SRGAP2: variants seen among roughly 807,000 people sequenced by gnomAD.
SRGAP2 encodes SLIT-ROBO Rho GTPase activating protein 2, also known as SLIT-ROBO Rho GTPase-activating protein 2.
SRGAP2 carries 15 observed loss-of-function variants against 57.2 expected under a neutral mutation model. That is an observed-to-expected ratio of 0.26 (90% CI 0.18 to 0.40). SRGAP2 has a LOEUF of 0.40. Ranked by LOEUF, SRGAP2 falls within the 10% of genes least tolerant of loss-of-function variation. The pLI, the probability that SRGAP2 is intolerant of heterozygous loss-of-function variation, is 1.00. For synonymous variants in SRGAP2, 249 were observed against 248.0 expected, an observed-to-expected ratio of 1.00 and a Z score of -0.04; for missense variants, 520 against 669.6, an observed-to-expected ratio of 0.78 and a Z score of 2.47.
intron 3 of SRGAP2, among the ~76,000 whole-genome samples, chr1:206,336,053 A>G (rs1445638533): frequency 6.6e-6 from 1 of 150,742 alleles, no homozygotes; most frequent in African/African-American, 2.4e-5. Context: ...ACTTCAAAGC[A>G]GATTCCTAAG....
chr1:206,455,406 A>C, intron 21 of SRGAP2: 1 of 249,370 alleles, frequency 4.0e-6, no homozygotes, highest in African/African-American at 2.3e-5. Context: ...TCCATACTCA[A>C]ATAATAGTCT....
intron 3 of SRGAP2, among the ~76,000 whole-genome samples, chr1:206,314,656 G>A (rs1264935408): frequency 1.3e-5 from 2 of 152,058 alleles, no homozygotes; most frequent in Non-Finnish European, 2.9e-5. Flanking sequence ...TTGAAACTGT[G>A]GAAATATTTG....
At chr1:206,217,524 A>G (rs1403588457) in intron 2 of SRGAP2, among the ~76,000 whole-genome samples, 2 of 152,100 alleles carry the variant, frequency 1.3e-5, no homozygotes, top group Non-Finnish European at 2.9e-5. Context: ...GGGAACAACA[A>G]TTCTTGGCCC....
rs569871411 is a variant in SRGAP2 at position 206,427,636 on chromosome 1, CA to C, written c.1495-2525del. 1.5e-3 allele frequency among the ~76,000 whole-genome samples: 222 copies of C among 152,274 alleles called. 1 individual carries two copies. Among genetic ancestry groups the C allele is most frequent in the East Asian group, 4.1e-3 (21 of 5,178 alleles). On this transcript the variant is annotated intron_variant, in intron 13 of 22. Coordinates refer to ENST00000573034, the MANE Select transcript of SRGAP2 (RefSeq NM_015326.5). ...ATGGCTACAGTGGCAAATTCAGAGC[CA>C]GGGGGGGGATCCACGCAGACCTGTC...
intron 7 of SRGAP2, among the ~76,000 whole-genome samples, chr1:206,396,021 C>T (rs1328205517): frequency 4.9e-5 from 7 of 143,222 alleles, no homozygotes; most frequent in Non-Finnish European, 7.6e-5. Context: ...CTCTCTCTGT[C>T]GCCCAGGCTG....
chr1:206,286,953 A>G (rs1671062398), intron 2 of SRGAP2, among the ~76,000 whole-genome samples: 1 of 152,166 alleles, frequency 6.6e-6, no homozygotes, highest in African/African-American at 2.4e-5. Flanking sequence ...TGCAGTGTGG[A>G]GAGTAGACTA....
At chr1:206,383,205 A>G (rs1294070048) in intron 4 of SRGAP2, among the ~76,000 whole-genome samples, 1 of 148,146 alleles carries the variant, frequency 6.8e-6, no homozygotes, top group Non-Finnish European at 1.5e-5. Flanking sequence ...TTGTATTTTT[A>G]GTAGAGATGG....
intron 2 of SRGAP2, among the ~76,000 whole-genome samples, chr1:206,209,914 T>A (rs528506392): frequency 8.5e-6 from 1 of 117,580 alleles, no homozygotes. Context: ...TTTGTATTAT[T>A]TTAAATTGTT....
chr1:206,228,826 T>TAAAAA (rs199965145), intron 2 of SRGAP2, among the ~76,000 whole-genome samples: 1 of 131,218 alleles, frequency 7.6e-6, no homozygotes, highest in African/African-American at 2.9e-5. Context: ...ATCAGCGCTT[T>TAAAAA]AAAAAAAAAA....
At chr1:206,255,757 C>T (rs61815476) in intron 2 of SRGAP2, among the ~76,000 whole-genome samples, 86,278 of 147,660 alleles carry the variant, frequency 0.58, 27,397 homozygotes, top group African/African-American at 0.83. Context: ...TGAGCCTGTT[C>T]AACTTCTTCA....
intron 3 of SRGAP2, chr1:206,333,311 C>T (rs1392741516): frequency 9.4e-5 from 114 of 1,216,834 alleles, no homozygotes; most frequent in East Asian, 1.7e-4. Context: ...GCTCCTCCCC[C>T]CTACACTGAA....
At chr1:206,263,625 A>G (rs1299011675) in intron 2 of SRGAP2, among the ~76,000 whole-genome samples, 2 of 150,934 alleles carry the variant, frequency 1.3e-5, no homozygotes, top group African/African-American at 2.4e-5. Context: ...CATGCAGCAG[A>G]ACCCAGCCCA....
intron 4 of SRGAP2, among the ~76,000 whole-genome samples, chr1:206,360,005 A>C (rs1275590175): frequency 6.6e-6 from 1 of 150,586 alleles, no homozygotes; most frequent in Non-Finnish European, 1.5e-5. Flanking sequence ...ACGGGGTTTC[A>C]CCGTTTTAGC....
At chr1:206,272,410 A>C (rs1409589629) in intron 2 of SRGAP2, among the ~76,000 whole-genome samples, 3 of 150,926 alleles carry the variant, frequency 2.0e-5, no homozygotes, top group African/African-American at 7.3e-5. Context: ...TAATTTTTTT[A>C]TTTTTCATTT....
chr1:206,334,537 C>G (rs1356769982), intron 3 of SRGAP2, among the ~76,000 whole-genome samples: 2 of 152,036 alleles, frequency 1.3e-5, no homozygotes, highest in African/African-American at 4.8e-5. Flanking sequence ...AGGGGGAGAT[C>G]TTTATGGATA....
intron 4 of SRGAP2, among the ~76,000 whole-genome samples, chr1:206,355,849 C>T (rs570432845): frequency 4.6e-5 from 7 of 152,236 alleles, no homozygotes; most frequent in African/African-American, 1.7e-4. Context: ...TTCCTGTAAT[C>T]TCAGCTACTC....
chr1:206,274,634 A>AAAAC (rs1670310420), intron 2 of SRGAP2, among the ~76,000 whole-genome samples: 1 of 151,948 alleles, frequency 6.6e-6, no homozygotes, highest in Admixed American at 6.6e-5. Flanking sequence ...GACCCTGTCT[A>AAAAC]AAACAAACAA....
At chr1:206,458,249 G>A (rs1002450988) in intron 21 of SRGAP2, 1 of 442,640 alleles carries the variant, frequency 2.3e-6, no homozygotes, top group Non-Finnish European at 4.5e-6. Context: ...TTTGGTGATG[G>A]TGAGACTTCT....
rs1553378863 is a variant in SRGAP2, at chr1:206,457,541, T to G, written c.2508-1082T>G. Among the ~76,000 whole-genome samples, 3 of 152,172 alleles carry G rather than the reference T, an allele frequency of 2.0e-5. No homozygotes were observed. The East Asian group carries it at 5.8e-4, about 29-fold the overall frequency. Reference sequence around the variant, plus strand: ...TCATTTCAGCAGGGCCTTAGAAGACTCTGAGAACATCCTTTTTCCACTCGA... The same window carrying G: ...TCATTTCAGCAGGGCCTTAGAAGACGCTGAGAACATCCTTTTTCCACTCGA... On this transcript the variant is annotated intron_variant, in intron 21 of 22. Coordinates refer to ENST00000573034, the MANE Select transcript of SRGAP2 (RefSeq NM_015326.5).
Sources: gnomAD v4.1 joint callset for allele counts (sites outside exome capture counted in the v4.1 genomes callset) on GRCh38, gnomAD v4.1.1 for gene constraint, MANE v1.5 for transcripts, NCBI Gene and HGNC (gene_info 2026-07-23, HGNC 2026-07-21) for gene names.